Variants in CXADR observed in about 807,000 individuals in gnomAD.
CXADR encodes the protein CXADR cell adhesion molecule.
CXADR carries 20 observed loss-of-function variants against 40.3 expected under a neutral mutation model. That is an observed-to-expected ratio of 0.50 (90% confidence interval 0.35 to 0.72). CXADR has a LOEUF of 0.72. Among genes scored for constraint, CXADR ranks in the 30% least tolerant of loss-of-function variants. The probability of loss-of-function intolerance (pLI) is 0.01; values close to 1 mark genes in which losing one functional copy is unlikely to be tolerated. For missense variants in CXADR, 332 were observed against 449.1 expected, an observed-to-expected ratio of 0.74 and a Z score of 2.36; for synonymous variants, 150 against 161.3, an observed-to-expected ratio of 0.93 and a Z score of 0.53.
downstream of CXADR, among the ~76,000 whole-genome samples, chr21:17,573,792 A>G (rs933866303): frequency 1.3e-5 from 2 of 152,198 alleles, no homozygotes; most frequent in African/African-American, 4.8e-5. Context: ...CTGTAATCCC[A>G]GTTACTCGGG....
the CXADR span, among the ~76,000 whole-genome samples, chr21:17,608,375 A>C: frequency 4.0e-5 from 6 of 150,070 alleles, no homozygotes; most frequent in Non-Finnish European, 7.4e-5. Flanking sequence ...CAATACCACA[A>C]AAAAAAAAAA....
At chr21:17,610,171 G>A in the CXADR span, among the ~76,000 whole-genome samples, 1 of 152,202 alleles carries the variant, frequency 6.6e-6, no homozygotes, top group African/African-American at 2.4e-5. Flanking sequence ...GGGGAAGTGG[G>A]AAACCAAGAA....
At chr21:17,620,754 A>G in the CXADR span, among the ~76,000 whole-genome samples, 2 of 152,218 alleles carry the variant, frequency 1.3e-5, no homozygotes, top group Admixed American at 1.3e-4. Flanking sequence ...AACTTTATTA[A>G]TCAGGGTCCT....
At chr21:17,520,795 T>G (rs2060521117) in intron 1 of CXADR, among the ~76,000 whole-genome samples, 1 of 152,166 alleles carries the variant, frequency 6.6e-6, no homozygotes, top group Non-Finnish European at 1.5e-5. Context: ...GTTGCTTGAA[T>G]GAGTAGCATG....
intron 1 of CXADR, among the ~76,000 whole-genome samples, chr21:17,514,676 C>T (rs548697856): frequency 6.6e-6 from 1 of 151,034 alleles, no homozygotes; most frequent in East Asian, 1.9e-4. Context: ...TCTTGTTGCA[C>T]AGGCTGGAGT....
the CXADR span, among the ~76,000 whole-genome samples, chr21:17,599,464 G>A: frequency 3.5e-5 from 5 of 141,038 alleles, no homozygotes; most frequent in Non-Finnish European, 6.0e-5. Flanking sequence ...ACAGGCATGC[G>A]CCACTGGCTG....
At chr21:17,526,509 G>A (rs2060600013) in intron 1 of CXADR, among the ~76,000 whole-genome samples, 1 of 152,132 alleles carries the variant, frequency 6.6e-6, no homozygotes, top group Admixed American at 6.5e-5. Context: ...ATTTGCCTAG[G>A]TGGGGAAATA....
At chr21:17,571,117 C>G (rs760249865), downstream of CXADR, among the ~76,000 whole-genome samples, 3 of 152,146 alleles carry the variant, frequency 2.0e-5, no homozygotes, top group African/African-American at 4.8e-5. Flanking sequence ...CTTTTGAGAA[C>G]CACGGATTTA....
chr21:17,628,025 T>C, the CXADR span, among the ~76,000 whole-genome samples: 847 of 152,334 alleles, frequency 5.6e-3, 13 homozygotes, highest in African/African-American at 0.019. Flanking sequence ...ACTTTTCCTT[T>C]TCTCAAAGCC....
At chr21:17,538,481 T>G (rs2060788039) in intron 1 of CXADR, among the ~76,000 whole-genome samples, 1 of 152,084 alleles carries the variant, frequency 6.6e-6, no homozygotes, top group South Asian at 2.1e-4. Flanking sequence ...GACCAGAGAT[T>G]GTCAGACATG....
intron 7 of CXADR, among the ~76,000 whole-genome samples, chr21:17,576,450 A>G (rs1226390644): frequency 6.6e-6 from 1 of 152,206 alleles, no homozygotes; most frequent in Non-Finnish European, 1.5e-5. Context: ...TATGTCAAGT[A>G]TACAGGCTGG....
At chr21:17,519,210 T>C (rs1010424377) in intron 1 of CXADR, among the ~76,000 whole-genome samples, 1 of 152,232 alleles carries the variant, frequency 6.6e-6, no homozygotes, top group African/African-American at 2.4e-5. Context: ...CTCACTGCAC[T>C]AGATCAGAGG....
At chr21:17,592,715 G>A (rs1480726400) in intron 7 of CXADR, among the ~76,000 whole-genome samples, 1 of 151,494 alleles carries the variant, frequency 6.6e-6, no homozygotes, top group African/African-American at 2.4e-5. Context: ...AAACAAACAT[G>A]CTCATGTTTG....
intron 3 of CXADR, among the ~76,000 whole-genome samples, chr21:17,556,349 C>A (rs995360365): frequency 2.0e-5 from 3 of 152,164 alleles, no homozygotes; most frequent in Admixed American, 6.5e-5. Context: ...ATTCAGAAAC[C>A]TGTGTTGGTA....
chr21:17,594,054 C>T (rs764805944), downstream of CXADR: 217 of 1,596,500 alleles, frequency 1.4e-4, 1 homozygote, highest in Non-Finnish European at 1.1e-4. Flanking sequence ...TTTATTCTAC[C>T]TTTTTCTCAA....
chr21:17,577,800 C>G (rs2061332958), intron 7 of CXADR, among the ~76,000 whole-genome samples: 1 of 151,680 alleles, frequency 6.6e-6, no homozygotes, highest in Non-Finnish European at 1.5e-5. Context: ...TAGCAATTCC[C>G]CATTTCTCCC....
At chr21:17,529,809 G>A (rs570738445) in intron 1 of CXADR, among the ~76,000 whole-genome samples, 7 of 152,168 alleles carry the variant, frequency 4.6e-5, no homozygotes, top group South Asian at 4.2e-4. Flanking sequence ...TTTTATAAAC[G>A]TACAGGGTAG....
intron 1 of CXADR, among the ~76,000 whole-genome samples, chr21:17,529,725 A>C (rs1004026874): frequency 4.6e-5 from 7 of 152,184 alleles, no homozygotes; most frequent in African/African-American, 1.7e-4. Flanking sequence ...AGGTATTCTA[A>C]AATTTATTTT....
downstream of CXADR, among the ~76,000 whole-genome samples, chr21:17,573,014 C>A (rs551763840): frequency 2.6e-5 from 4 of 152,270 alleles, no homozygotes; most frequent in African/African-American, 7.2e-5. Flanking sequence ...GCTTGAAGAA[C>A]AGAAATGTGT....
Sources: allele counts gnomAD v4.1 joint callset (sites outside exome capture counted in the v4.1 genomes callset), GRCh38; gene constraint gnomAD v4.1.1; transcripts MANE v1.5; gene names NCBI Gene and HGNC (gene_info 2026-07-23, HGNC 2026-07-21).